TNPO3: variants seen among roughly 807,000 people sequenced by gnomAD.
The protein encoded by TNPO3 is transportin-3.
A neutral mutation model predicts 122.8 loss-of-function variants in TNPO3; 65 were observed. That is an observed-to-expected ratio of 0.53 (90% CI 0.43 to 0.65). The LOEUF (loss-of-function observed/expected upper bound fraction) is 0.65, where lower values mean the gene tolerates loss of function less well. TNPO3 is among the 30% of genes least tolerant of loss of function. The pLI, the probability that TNPO3 is intolerant of heterozygous loss-of-function variation, is 0.00. For synonymous variants in TNPO3, 372 were observed against 411.2 expected, an observed-to-expected ratio of 0.90 and a Z score of 1.15; for missense variants, 850 against 1,136.7, an observed-to-expected ratio of 0.75 and a Z score of 3.63.
In TNPO3 at chr7:128,958,589, C is replaced by T. The variant is rs546083436; in HGVS notation, c.2712-1274G>A. Among the ~76,000 whole-genome samples the T allele has an allele frequency of 3.0e-4, 46 of 152,338 alleles. 1 individual carries two copies. The South Asian group carries it at 9.5e-3, about 32-fold the overall frequency. ...GGTTAAACACCAGGGGAGGAAACTGCTCTAAGCGATCCAACAGAAAAGGTG... is the reference window on the plus strand; with the variant it reads ...GGTTAAACACCAGGGGAGGAAACTGTTCTAAGCGATCCAACAGAAAAGGTG... On this transcript the variant is annotated intron_variant, in intron 21 of 22. Coordinates refer to ENST00000265388, the MANE Select transcript of TNPO3 (RefSeq NM_012470.4).
chr7:128,967,926 A>AT (rs533895714), intron 20 of TNPO3, among the ~76,000 whole-genome samples: 30 of 148,514 alleles, frequency 2.0e-4, no homozygotes, highest in African/African-American at 3.9e-4. Context: ...ATTAAAAACA[A>AT]TTTTTTTTTT....
chr7:129,029,194 T>G (rs1805613698), intron 1 of TNPO3: 1 of 168,808 alleles, frequency 5.9e-6, no homozygotes, highest in Admixed American at 6.4e-5. Flanking sequence ...TGGTGCAGAT[T>G]CTGGGGATGC....
chr7:128,986,706 A>C, intron 12 of TNPO3, 23 bp downstream of exon 12: 1 of 1,594,644 alleles, frequency 6.3e-7, no homozygotes, highest in South Asian at 1.1e-5. Flanking sequence ...GGTGACTATT[A>C]GTGGTTAACA....
At chr7:129,026,394 ATTTTTT>A (rs969403916) in intron 1 of TNPO3, among the ~76,000 whole-genome samples, 4 of 94,714 alleles carry the variant, frequency 4.2e-5, no homozygotes, top group Admixed American at 2.4e-4. Flanking sequence ...TGACGTTTGA[ATTTTTT>A]TTTTTTTTTT....
intron 1 of TNPO3, among the ~76,000 whole-genome samples, chr7:129,028,405 A>G (rs1805518929): frequency 6.6e-6 from 1 of 152,226 alleles, no homozygotes; most frequent in Non-Finnish European, 1.5e-5. Flanking sequence ...TTACATTAAA[A>G]AAGAAAAAAG....
intron 4 of TNPO3, among the ~76,000 whole-genome samples, chr7:129,013,778 C>T (rs999473209): frequency 1.3e-5 from 2 of 152,092 alleles, no homozygotes; most frequent in African/African-American, 2.4e-5. Flanking sequence ...ATGAAATATT[C>T]GTTAGCCACA....
At chr7:128,957,109 C>T (rs1402702838) in intron 22 of TNPO3, 115 bp downstream of exon 22, 4 of 895,072 alleles carry the variant, frequency 4.5e-6, no homozygotes, top group Non-Finnish European at 7.1e-6. Context: ...CTGAGTCCTT[C>T]CCTGACTCTA....
intron 8 of TNPO3, among the ~76,000 whole-genome samples, chr7:128,994,689 C>T (rs574907418): frequency 3.3e-5 from 5 of 152,248 alleles, no homozygotes; most frequent in African/African-American, 7.2e-5. Context: ...GACAAGGTCT[C>T]GCTCTGTCAC....
chr7:129,035,269 G>A (rs1161656964), intron 1 of TNPO3, among the ~76,000 whole-genome samples: 2 of 152,054 alleles, frequency 1.3e-5, no homozygotes, highest in Admixed American at 6.6e-5. Context: ...GCGAGACTCC[G>A]TCTCAAAACA....
intron 20 of TNPO3, among the ~76,000 whole-genome samples, chr7:128,969,598 T>C (rs2128991396): frequency 6.6e-6 from 1 of 152,286 alleles, no homozygotes; most frequent in Middle Eastern, 3.4e-3. Context: ...AGTACTGAAA[T>C]TACTTGGGCA....
At chr7:128,993,052 T>C (rs923341162) in intron 9 of TNPO3, among the ~76,000 whole-genome samples, 1 of 151,658 alleles carries the variant, frequency 6.6e-6, no homozygotes, top group Non-Finnish European at 1.5e-5. Flanking sequence ...ATGCTTTGCT[T>C]AATATAATGA....
In TNPO3 at chr7:128,975,751, A is replaced by G; in HGVS notation, c.2178+68T>C. ...AAGCAACAGAATTAAAGACATGGTA[A>G]AGAATACGCTGCTAGGCCTTCAGAC... On this transcript the variant is annotated intron_variant, in intron 17 of 22. Transcript: ENST00000265388. 3.3e-6 allele frequency: 3 copies of G among 908,060 alleles called. No homozygotes were observed. The South Asian group carries it at 4.3e-5, about 13-fold the overall frequency. 56.3% of individuals were successfully genotyped at this position (908,060 alleles called of 1,614,324 possible). A position where few individuals can be genotyped will look rare whatever the true frequency, so the allele number is the denominator to read the frequency against.
intron 20 of TNPO3, among the ~76,000 whole-genome samples, chr7:128,967,597 C>T (rs1798047680): frequency 6.6e-6 from 1 of 152,236 alleles, no homozygotes; most frequent in Non-Finnish European, 1.5e-5. Flanking sequence ...CATGCCTAGA[C>T]TTCCCTTCAA....
intron 21 of TNPO3, among the ~76,000 whole-genome samples, chr7:128,965,752 T>C (rs1327473825): frequency 6.6e-6 from 1 of 152,202 alleles, no homozygotes; most frequent in Non-Finnish European, 1.5e-5. Flanking sequence ...ATTTAGCCTT[T>C]AAATGGAAGA....
chr7:129,050,143 G>A (rs1222546134), intron 1 of TNPO3, among the ~76,000 whole-genome samples: 1 of 152,018 alleles, frequency 6.6e-6, no homozygotes, highest in Admixed American at 6.6e-5. Flanking sequence ...CAGCACTTTG[G>A]GAGGCCAAGG....
intron 18 of TNPO3, among the ~76,000 whole-genome samples, chr7:128,973,818 AAGAAAAGGAAAAAAAAAG>A (rs1443611978): frequency 7.0e-5 from 10 of 142,720 alleles, no homozygotes; most frequent in South Asian, 4.6e-4. Context: ...AAAAAAAAAA[AAGAAAAGGAAAAAAAAAG>A]GGTTTTTCTA....
intron 14 of TNPO3, 148 bp downstream of exon 14, chr7:128,982,100 A>C: frequency 1.7e-6 from 1 of 582,808 alleles, no homozygotes; most frequent in Non-Finnish European, 2.9e-6. Context: ...CCTTTGCCCC[A>C]GAACTTCAGG....
rs932262971 is a variant in TNPO3 at position 128,955,199 on chromosome 7, G to T, written c.*218C>A. Reference sequence around the variant, plus strand: ...GGCCACAGCCATCTTTTTAAAATCCGCGCTGATTTTCCCTCACACCCCCAA... The same window carrying T: ...GGCCACAGCCATCTTTTTAAAATCCTCGCTGATTTTCCCTCACACCCCCAA... On this transcript the variant is annotated 3_prime_UTR_variant, in exon 23 of 23. Coordinates refer to ENST00000265388, the MANE Select transcript of TNPO3 (RefSeq NM_012470.4). 5.2e-5 allele frequency: 19 copies of T among 368,634 alleles called. No individual in the cohort carries two copies. Among genetic ancestry groups the T allele is most frequent in the South Asian group, 3.5e-4 (19 of 54,066 alleles). 22.8% of individuals were successfully genotyped at this position (368,634 alleles called of 1,614,324 possible).
chr7:128,970,434 G>A lies in TNPO3; in HGVS notation c.2431-119C>T, dbSNP rs555563311. On this transcript the variant is annotated intron_variant, in intron 19 of 22. Coordinates refer to ENST00000265388, the MANE Select transcript of TNPO3 (RefSeq NM_012470.4). Reference sequence around the variant, plus strand: ...GGAAAGTGTGTGTGTGTGTGCACGCGTGGCTGTGTGTGTGTGTATGCAGGT... The same window carrying A: ...GGAAAGTGTGTGTGTGTGTGCACGCATGGCTGTGTGTGTGTGTATGCAGGT... The A allele has an allele frequency of 2.1e-4, 182 of 863,650 alleles. 2 individuals carry two copies. In the South Asian group the frequency reaches 2.7e-3, roughly 13 times the overall value. 53.5% of individuals were successfully genotyped at this position (863,650 alleles called of 1,614,324 possible).
Sources: gnomAD v4.1 joint callset for allele counts (sites outside exome capture counted in the v4.1 genomes callset) on GRCh38, gnomAD v4.1.1 for gene constraint, MANE v1.5 for transcripts, NCBI Gene and HGNC (gene_info 2026-07-23, HGNC 2026-07-21) for gene names.